The following DMRT1 variants were observed in gnomAD, a reference collection of about 807,000 sequenced individuals.
The protein encoded by DMRT1 is doublesex and mab-3 related transcription factor 1, also known as doublesex- and mab-3-related transcription factor 1.
In DMRT1, 7 loss-of-function variants were observed where a neutral mutation model predicts 32.3. The observed-to-expected ratio is 0.22, with a 90% CI of 0.12 to 0.41. The LOEUF (loss-of-function observed/expected upper bound fraction) is 0.41. Among genes scored for constraint, DMRT1 ranks in the 10% least tolerant of loss-of-function variants. DMRT1 has a pLI of 1.00. For missense variants in DMRT1, 625 were observed against 500.5 expected (o/e 1.25, Z -2.37); for synonymous variants, 278 against 206.1 (o/e 1.35, Z -2.99).
At chr9:928,586 AG>A in intron 4 of DMRT1, among the ~76,000 whole-genome samples, 1 of 152,304 alleles carries the variant, frequency 6.6e-6, no homozygotes, top group African/African-American at 2.4e-5. Flanking sequence ...GGGGCAGTAG[AG>A]GAGCCAGAAG....
At position 841,724 on chromosome 9, in the gene DMRT1, C is replaced by A. The variant is rs1484470845; in HGVS notation, c.-115C>A. 1.3e-6 allele frequency: 2 copies of A among 1,543,574 alleles called. No individual in the cohort carries two copies. Among genetic ancestry groups the A allele is most frequent in the African/African-American group, 1.4e-5 (1 of 72,954 alleles). On this transcript the variant is annotated 5_prime_UTR_variant, in exon 1 of 5. Coordinates refer to ENST00000382276, the MANE Select transcript of DMRT1 (RefSeq NM_021951.3). Reference sequence around the variant, plus strand: ...TCCAGCTGCGCCTCCGGCTGCAGCGCACACGTCTCCTGCGCCTCCTCCTCC... The same window carrying A: ...TCCAGCTGCGCCTCCGGCTGCAGCGAACACGTCTCCTGCGCCTCCTCCTCC...
Position 936,398 on chromosome 9 carries a change from G to A in DMRT1, c.967+19491G>A, listed in dbSNP as rs112479539. Among the ~76,000 whole-genome samples, 959 of 151,684 alleles carry A rather than the reference G, an allele frequency of 6.3e-3. 10 individuals are homozygous for A. The highest frequency in any genetic ancestry group is 0.022 in the African/African-American group (896 of 41,298). On this transcript the variant is annotated intron_variant, in intron 4 of 4. Transcript: ENST00000382276. The stretch of plus-strand genomic sequence containing the variant: ...TCCTGGCTTTCTTCTTGGCTTTTTT[G>A]ATGGGCCATTGTCTTCTTCCACTTA...
chr9:890,233 C>T (rs527675824), intron 2 of DMRT1, among the ~76,000 whole-genome samples: 173 of 152,186 alleles, frequency 1.1e-3, no homozygotes, highest in African/African-American at 4.0e-3. Context: ...AGGCGTGAGC[C>T]ACCGCACCCG....
intron 3 of DMRT1, among the ~76,000 whole-genome samples, chr9:901,915 T>TC: frequency 7.0e-6 from 1 of 143,152 alleles, no homozygotes; most frequent in African/African-American, 2.6e-5. Flanking sequence ...CTAGCCCTTT[T>TC]TTTTTTTTTT....
intron 3 of DMRT1, among the ~76,000 whole-genome samples, chr9:905,197 G>T (rs1366450281): frequency 2.0e-5 from 3 of 152,148 alleles, no homozygotes; most frequent in Non-Finnish European, 4.4e-5. Flanking sequence ...AGGATGGGTT[G>T]CCCTCAGCAC....
At chr9:844,059 T>A (rs561407226) in intron 1 of DMRT1, among the ~76,000 whole-genome samples, 4 of 152,212 alleles carry the variant, frequency 2.6e-5, no homozygotes, top group South Asian at 2.1e-4. Context: ...TTGGCTTATT[T>A]AGTGTGGAGA....
intron 4 of DMRT1, among the ~76,000 whole-genome samples, chr9:966,274 G>A (rs541674042): frequency 6.6e-6 from 1 of 152,190 alleles, no homozygotes; most frequent in East Asian, 1.9e-4. Flanking sequence ...TAGATTCCTA[G>A]TTTTGGTTGC....
At chr9:919,960 T>A (rs1251865693) in intron 4 of DMRT1, among the ~76,000 whole-genome samples, 1 of 152,224 alleles carries the variant, frequency 6.6e-6, no homozygotes. Context: ...TTTCTACGTA[T>A]TTGTACACTC....
At chr9:861,216 C>A (rs1470048875) in intron 2 of DMRT1, among the ~76,000 whole-genome samples, 4 of 151,958 alleles carry the variant, frequency 2.6e-5, no homozygotes, top group African/African-American at 7.2e-5. Flanking sequence ...CGCCTTCCGT[C>A]TTCTGCAGTG....
chr9:860,476 T>G (rs1367157837), intron 2 of DMRT1, among the ~76,000 whole-genome samples: 1 of 152,188 alleles, frequency 6.6e-6, no homozygotes, highest in African/African-American at 2.4e-5. Flanking sequence ...CTCTGTTTTT[T>G]CATTTTACTT....
At chr9:947,848 C>T (rs1363545369) in intron 4 of DMRT1, among the ~76,000 whole-genome samples, 1 of 152,156 alleles carries the variant, frequency 6.6e-6, no homozygotes, top group Non-Finnish European at 1.5e-5. Flanking sequence ...CATTTCCTGT[C>T]GCTGGAGTCA....
chr9:907,183 G>A (rs921624285), intron 3 of DMRT1, among the ~76,000 whole-genome samples: 9 of 152,118 alleles, frequency 5.9e-5, no homozygotes, highest in Non-Finnish European at 1.0e-4. Context: ...AGAGTGGAGC[G>A]TGCTGATCAT....
intron 2 of DMRT1, among the ~76,000 whole-genome samples, chr9:850,987 C>T (rs1839121296): frequency 1.4e-5 from 2 of 140,870 alleles, no homozygotes; most frequent in Admixed American, 7.5e-5. Context: ...TGAGATTGTG[C>T]CATTGCACTC....
intron 2 of DMRT1, among the ~76,000 whole-genome samples, chr9:858,642 G>C (rs955409371): frequency 2.6e-5 from 4 of 152,040 alleles, no homozygotes; most frequent in African/African-American, 9.7e-5. Context: ...GGGAGGCCGA[G>C]GCGGGCAGAT....
intron 4 of DMRT1, among the ~76,000 whole-genome samples, chr9:922,026 G>C (rs1322282004): frequency 2.7e-5 from 4 of 149,492 alleles, no homozygotes; most frequent in Non-Finnish European, 4.5e-5. Flanking sequence ...GACTACAGGT[G>C]AGCACCACAA....
rs181735613 is a variant in DMRT1 at position 927,115 on chromosome 9, A to C, written c.967+10208A>C. On this transcript the variant is annotated intron_variant, in intron 4 of 4. Transcript: ENST00000382276. ...GCGATTTTTTTCAGGGATGGCGTGG[A>C]GTACTTCTGGAGTTTATTTTCCCTG... is the stretch of plus-strand genomic sequence containing the variant. 9.8e-5 allele frequency among the ~76,000 whole-genome samples: 15 copies of C among 152,300 alleles called. No homozygotes were observed. In the East Asian group the frequency reaches 2.7e-3, roughly 27 times the overall value.
intron 2 of DMRT1, among the ~76,000 whole-genome samples, chr9:858,639 C>T (rs1026036557): frequency 1.3e-5 from 2 of 151,838 alleles, no homozygotes; most frequent in Non-Finnish European, 2.9e-5. Context: ...TTTGGGAGGC[C>T]GAGGCGGGCA....
At chr9:861,947 G>T (rs867586697) in intron 2 of DMRT1, among the ~76,000 whole-genome samples, 4 of 150,612 alleles carry the variant, frequency 2.7e-5, no homozygotes, top group East Asian at 2.0e-4. Flanking sequence ...GATGATGGGC[G>T]GGCGGGCAGA....
chr9:950,765 C>T (rs1586656751), intron 4 of DMRT1, among the ~76,000 whole-genome samples: 1 of 152,162 alleles, frequency 6.6e-6, no homozygotes, highest in African/African-American at 2.4e-5. Flanking sequence ...TTAAAGAAAG[C>T]ATCTCACTCC....
Sources: gnomAD v4.1 joint callset for allele counts (sites outside exome capture counted in the v4.1 genomes callset) on GRCh38, gnomAD v4.1.1 for gene constraint, MANE v1.5 for transcripts, NCBI Gene and HGNC (gene_info 2026-07-23, HGNC 2026-07-21) for gene names.